PRKCB: variants seen among roughly 807,000 people sequenced by gnomAD.
PRKCB encodes protein kinase C beta.
PRKCB carries 13 observed loss-of-function variants against 81.5 expected under a neutral mutation model. That is an observed-to-expected ratio of 0.16 (90% CI 0.10 to 0.25). The LOEUF is 0.25. Among genes scored for constraint, PRKCB ranks in the 10% least tolerant of loss-of-function variants. The pLI, the probability that PRKCB is intolerant of heterozygous loss-of-function variation, is 1.00. For missense variants in PRKCB, 509 were observed against 875.7 expected (o/e 0.58, Z 5.29); for synonymous variants, 335 against 321.4 (o/e 1.04, Z -0.45).
chr16:24,150,446 A>G (rs1014569091), intron 9 of PRKCB, among the ~76,000 whole-genome samples: 1 of 152,184 alleles, frequency 6.6e-6, no homozygotes, highest in Non-Finnish European at 1.5e-5. Flanking sequence ...AATTCTTGGG[A>G]GGGGGAATCC....
chr16:24,026,643 A>G (rs1240158924), intron 3 of PRKCB, among the ~76,000 whole-genome samples: 1 of 152,196 alleles, frequency 6.6e-6, no homozygotes, highest in Non-Finnish European at 1.5e-5. Flanking sequence ...CCTCTGTAAG[A>G]TCAATATATC....
At position 24,219,727 on chromosome 16, in the gene PRKCB, ACATT is replaced by A; in HGVS notation, c.*4914_*4917del. ...ACCACTTTATGGCAATTCTTAACTGACATTCAATGACTTACTTCTTTTCTTAGAA... is the reference window on the plus strand; with the variant it reads ...ACCACTTTATGGCAATTCTTAACTGACAATGACTTACTTCTTTTCTTAGAA... On this transcript the variant is annotated 3_prime_UTR_variant, in exon 17 of 17. Coordinates refer to ENST00000643927, the MANE Select transcript of PRKCB (RefSeq NM_002738.7). 2.2e-6 allele frequency: 3 copies of A among 1,365,122 alleles called. No individual in the cohort carries two copies. The highest frequency in any genetic ancestry group is 2.8e-6 in the Non-Finnish European group (3 of 1,059,510). 84.6% of individuals were successfully genotyped at this position (1,365,122 alleles called of 1,614,324 possible).
intron 9 of PRKCB, among the ~76,000 whole-genome samples, chr16:24,142,390 C>T (rs555592919): frequency 6.6e-6 from 1 of 152,332 alleles, no homozygotes; most frequent in South Asian, 2.1e-4. Flanking sequence ...CACCAAGCTG[C>T]ACCCAGGTTT....
rs147946613 is a variant in PRKCB at position 24,216,332 on chromosome 16, T to C, written c.*1516T>C. ...TCCTCCCAGCTTGGACTAAATATTCTTTCTAGCAAGCAGCTTTGTGAGCTC... is the reference window on the plus strand; with the variant it reads ...TCCTCCCAGCTTGGACTAAATATTCCTTCTAGCAAGCAGCTTTGTGAGCTC... On this transcript the variant is annotated 3_prime_UTR_variant, in exon 17 of 17. Coordinates refer to ENST00000643927, the MANE Select transcript of PRKCB (RefSeq NM_002738.7). The C allele has an allele frequency of 2.2e-4, 217 of 985,436 alleles. No individual in the cohort carries two copies. In the African/African-American group the frequency reaches 3.6e-3, roughly 17 times the overall value. The allele number at this position is 985,436 out of a possible 1,614,324, so 61.0% of individuals were successfully genotyped here.
chr16:23,875,355 T>TA (rs1237242119), intron 2 of PRKCB, among the ~76,000 whole-genome samples: 1 of 151,486 alleles, frequency 6.6e-6, no homozygotes, highest in East Asian at 1.9e-4. Context: ...TGTCTTATGA[T>TA]AAAAAAAATA....
At chr16:24,073,324 T>C (rs1337006647) in intron 5 of PRKCB, among the ~76,000 whole-genome samples, 1 of 152,138 alleles carries the variant, frequency 6.6e-6, no homozygotes, top group African/African-American at 2.4e-5. Flanking sequence ...GCCTTAAACA[T>C]TTTTGCCATT....
intron 2 of PRKCB, among the ~76,000 whole-genome samples, chr16:23,962,016 C>G (rs1329546248): frequency 6.6e-6 from 1 of 152,116 alleles, no homozygotes; most frequent in Admixed American, 6.6e-5. Context: ...GGGATGGGTA[C>G]TGGAGAGGCA....
At chr16:23,906,531 A>T (rs1259023824) in intron 2 of PRKCB, among the ~76,000 whole-genome samples, 1 of 152,178 alleles carries the variant, frequency 6.6e-6, no homozygotes, top group African/African-American at 2.4e-5. Flanking sequence ...TAGTCAATTT[A>T]TGAGTCTTTT....
intron 3 of PRKCB, among the ~76,000 whole-genome samples, chr16:23,998,737 T>C (rs1331993083): frequency 6.6e-6 from 1 of 152,140 alleles, no homozygotes. Context: ...ACAATGACAA[T>C]GAATAACAGT....
chr16:23,865,610 T>C (rs1259838802), intron 2 of PRKCB, among the ~76,000 whole-genome samples: 2 of 147,264 alleles, frequency 1.4e-5, no homozygotes, highest in East Asian at 3.9e-4. Context: ...TATATATCTA[T>C]CTTTGTAGAA....
At chr16:24,211,890 A>G (rs966983160) in intron 16 of PRKCB, among the ~76,000 whole-genome samples, 7 of 152,150 alleles carry the variant, frequency 4.6e-5, no homozygotes, top group African/African-American at 1.7e-4. Context: ...ATAAGAAGTG[A>G]GCAGGAGGCA....
At chr16:24,075,974 G>A (rs974235545) in intron 5 of PRKCB, among the ~76,000 whole-genome samples, 2 of 152,094 alleles carry the variant, frequency 1.3e-5, no homozygotes, top group Admixed American at 1.3e-4. Context: ...TAAGTTCTAG[G>A]GTACGTGTGC....
At chr16:24,085,739 T>C (rs1596541631) in intron 5 of PRKCB, among the ~76,000 whole-genome samples, 1 of 152,088 alleles carries the variant, frequency 6.6e-6, no homozygotes, top group Non-Finnish European at 1.5e-5. Flanking sequence ...ATGGCAGAGG[T>C]AGAATTGACA....
chr16:24,048,620 G>A (rs562998096), intron 5 of PRKCB, among the ~76,000 whole-genome samples: 3 of 151,924 alleles, frequency 2.0e-5, no homozygotes, highest in Non-Finnish European at 4.4e-5. Flanking sequence ...CTTCCAAGTA[G>A]CTGGGACTAC....
At chr16:24,085,149 G>GAAAAA (rs11444083) in intron 5 of PRKCB, among the ~76,000 whole-genome samples, 10 of 138,186 alleles carry the variant, frequency 7.2e-5, no homozygotes, top group Admixed American at 3.6e-4. Context: ...TTGATGAAAT[G>GAAAAA]AAAAAAAAAA....
intron 3 of PRKCB, among the ~76,000 whole-genome samples, chr16:24,021,507 G>T (rs1965403716): frequency 6.6e-6 from 1 of 151,660 alleles, no homozygotes; most frequent in African/African-American, 2.4e-5. Context: ...TGGTTTGGGG[G>T]TGGCAGGGAC....
intron 12 of PRKCB, among the ~76,000 whole-genome samples, chr16:24,175,523 A>G (rs895187435): frequency 4.6e-5 from 7 of 151,826 alleles, no homozygotes; most frequent in Non-Finnish European, 7.4e-5. Flanking sequence ...GATAAGTACT[A>G]TGGAGATAAA....
At chr16:24,086,584 G>C (rs1966313457) in intron 5 of PRKCB, among the ~76,000 whole-genome samples, 1 of 152,174 alleles carries the variant, frequency 6.6e-6, no homozygotes, top group Non-Finnish European at 1.5e-5. Context: ...GAATAGGATG[G>C]GGTCTCTGAA....
intron 2 of PRKCB, among the ~76,000 whole-genome samples, chr16:23,896,087 T>TC (rs1187236784): frequency 6.6e-6 from 1 of 151,892 alleles, no homozygotes; most frequent in Non-Finnish European, 1.5e-5. Flanking sequence ...CATTTTTTTT[T>TC]TTTGCAAGAC....
Sources: allele counts gnomAD v4.1 joint callset (sites outside exome capture counted in the v4.1 genomes callset), GRCh38; gene constraint gnomAD v4.1.1; transcripts MANE v1.5; gene names NCBI Gene and HGNC (gene_info 2026-07-23, HGNC 2026-07-21).